TTC28: variants seen among roughly 807,000 people sequenced by gnomAD.
TTC28 encodes tetratricopeptide repeat domain 28.
Under a neutral mutation model 198.0 loss-of-function variants are expected in TTC28, and 61 were observed. That is an observed-to-expected ratio of 0.31 (90% CI 0.25 to 0.38). The LOEUF (loss-of-function observed/expected upper bound fraction) is 0.38. Ranked by LOEUF, TTC28 falls within the 10% of genes least tolerant of loss-of-function variation. The pLI, the probability that TTC28 is intolerant of heterozygous loss-of-function variation, is 1.00. For synonymous variants in TTC28, 1,171 were observed against 1,297.8 expected, an observed-to-expected ratio of 0.90 and a Z score of 2.10; for missense variants, 2,678 against 3,164.0, an observed-to-expected ratio of 0.85 and a Z score of 3.69.
In TTC28 at chr22:28,139,200, C is replaced by G. The variant is rs1943272620; in HGVS notation, c.1441+23892G>C. ...ATCCTGAGTCTCGAAAGGCCTAGTA[C>G]CAGGCCTTCAGAAGAAATTCACAGC... On this transcript the variant is annotated intron_variant, in intron 6 of 22. Transcript: ENST00000397906. 2.0e-5 allele frequency among the ~76,000 whole-genome samples: 3 copies of G among 152,090 alleles called. No homozygotes were observed. In the South Asian group the frequency reaches 6.2e-4, roughly 32 times the overall value.
intron 5 of TTC28, among the ~76,000 whole-genome samples, chr22:28,175,238 G>T (rs577300195): frequency 2.6e-5 from 4 of 152,168 alleles, no homozygotes; most frequent in African/African-American, 9.6e-5. Context: ...AAAAGCACAG[G>T]CAACAAAAGC....
At chr22:28,586,426 T>G (rs1348432705) in intron 2 of TTC28, among the ~76,000 whole-genome samples, 1 of 151,612 alleles carries the variant, frequency 6.6e-6, no homozygotes, top group Admixed American at 6.6e-5. Context: ...AGATTAAAGA[T>G]AGAGTGAGAG....
chr22:28,473,037 C>T (rs1477454712), intron 2 of TTC28, among the ~76,000 whole-genome samples: 1 of 152,072 alleles, frequency 6.6e-6, no homozygotes, highest in Non-Finnish European at 1.5e-5. Flanking sequence ...TCAGCTAAAA[C>T]ACTATTAATC....
rs1461202888 is a variant in TTC28 at position 28,392,040 on chromosome 22, T to G, written c.382-85397A>C. Among the ~76,000 whole-genome samples, 16 of 152,318 alleles carry G rather than the reference T, an allele frequency of 1.1e-4. No individual in the cohort carries two copies. The East Asian group carries it at 3.1e-3, about 29-fold the overall frequency. ...TTTTTGGTGTGGATGTCCTTTCTGT[T>G]TGTTAGTTTTCCTTCTAACAGACAG... On this transcript the variant is annotated intron_variant, in intron 2 of 22. Transcript: ENST00000397906.
intron 2 of TTC28, chr22:28,459,786 C>G (rs2047920202): frequency 2.0e-5 from 3 of 152,266 alleles, no homozygotes; most frequent in African/African-American, 7.2e-5. Flanking sequence ...AACACCTTGA[C>G]AGCTGACCTA....
Position 28,456,998 on chromosome 22 carries a change from A to G in TTC28, c.382-150355T>C, listed in dbSNP as rs191242586. On this transcript the variant is annotated intron_variant, in intron 2 of 22. Transcript: ENST00000397906. ...GAAAACAGTCTTAGTTGAATGGTTT[A>G]TTTTATTTATGGGCATGTACTGATG... Among the ~76,000 whole-genome samples the G allele has an allele frequency of 2.8e-4, 43 of 151,888 alleles. 2 individuals are homozygous for G. Among genetic ancestry groups the G allele is most frequent in the African/African-American group, 9.9e-4 (41 of 41,582 alleles).
At chr22:28,188,121 G>A (rs1370339974) in intron 5 of TTC28, among the ~76,000 whole-genome samples, 1 of 152,136 alleles carries the variant, frequency 6.6e-6, no homozygotes, top group African/African-American at 2.4e-5. Flanking sequence ...AAAAGTAAGT[G>A]CAAGAGACTT....
At chr22:28,418,444 GC>G (rs1358669053) in intron 2 of TTC28, among the ~76,000 whole-genome samples, 1 of 152,062 alleles carries the variant, frequency 6.6e-6, no homozygotes, top group Non-Finnish European at 1.5e-5. Flanking sequence ...TACAAAAAAC[GC>G]TTAAACTTAC....
intron 12 of TTC28, among the ~76,000 whole-genome samples, chr22:28,058,180 T>C (rs888596475): frequency 6.6e-6 from 1 of 152,130 alleles, no homozygotes; most frequent in African/African-American, 2.4e-5. Context: ...AGTAGTGTTG[T>C]GGCATGAGAG....
intron 2 of TTC28, among the ~76,000 whole-genome samples, chr22:28,399,869 A>C (rs1041688487): frequency 2.0e-5 from 3 of 152,174 alleles, no homozygotes; most frequent in African/African-American, 4.8e-5. Context: ...CCAGATATTC[A>C]TCTTCAACAG....
chr22:28,033,577 C>G (rs1939217803), intron 12 of TTC28, among the ~76,000 whole-genome samples: 1 of 152,166 alleles, frequency 6.6e-6, no homozygotes, highest in Non-Finnish European at 1.5e-5. Context: ...TTCTTACTAG[C>G]CAATCCCTTT....
chr22:28,098,798 T>G, intron 10 of TTC28, 117 bp downstream of exon 10: 1 of 1,311,054 alleles, frequency 7.6e-7, no homozygotes, highest in Middle Eastern at 2.7e-4. Flanking sequence ...CTTCACAGTC[T>G]GTTGTCACAA....
Position 28,547,202 on chromosome 22 carries a change from ATGTGTGTGTGTG to A in TTC28, c.381+82338_381+82349del, listed in dbSNP as rs1344422242. Among the ~76,000 whole-genome samples the A allele has an allele frequency of 4.0e-5, 6 of 149,658 alleles. No individual in the cohort carries two copies. The South Asian group carries it at 1.3e-3, about 31-fold the overall frequency. ...TTTTAAGATCTCTCTGCATGTGTGTATGTGTGTGTGTGAGTGTGTGTGTGTGTGTGTGTCTTA... is the reference window on the plus strand; with the variant it reads ...TTTTAAGATCTCTCTGCATGTGTGTAAGTGTGTGTGTGTGTGTGTGTCTTA... On this transcript the variant is annotated intron_variant, in intron 2 of 22. Transcript: ENST00000397906.
intron 12 of TTC28, among the ~76,000 whole-genome samples, chr22:28,075,404 T>C (rs753437259): frequency 3.3e-5 from 5 of 152,022 alleles, no homozygotes; most frequent in Non-Finnish European, 7.4e-5. Flanking sequence ...CTCAAGCAGA[T>C]ACAGCTGAGC....
chr22:28,543,501 GGAA>G (rs571884807), intron 2 of TTC28, among the ~76,000 whole-genome samples: 11 of 151,098 alleles, frequency 7.3e-5, no homozygotes, highest in East Asian at 1.9e-4. Flanking sequence ...AGGAAGAGGA[GGAA>G]GAAGAATAAA....
chr22:28,015,181 T>C (rs979842895), intron 13 of TTC28, among the ~76,000 whole-genome samples: 1 of 152,126 alleles, frequency 6.6e-6, no homozygotes, highest in African/African-American at 2.4e-5. Context: ...GTATAGTCTC[T>C]GGGAACCTAC....
rs879910239 is a variant in TTC28 at position 28,218,957 on chromosome 22, TA to T, written c.934-55359del. Among the ~76,000 whole-genome samples the T allele has an allele frequency of 6.9e-3, 878 of 127,722 alleles. 1 individual carries two copies. The highest frequency in any genetic ancestry group is 8.5e-3 in the Non-Finnish European group (503 of 58,984). 83.8% of individuals were successfully genotyped at this position (127,722 alleles called of 152,430 possible). On this transcript the variant is annotated intron_variant, in intron 5 of 22. Transcript: ENST00000397906. Reference sequence around the variant, plus strand: ...ACCGTCAGTGCAAACACCAACACAGTAAAAAAAAAAAAAAGACAAATAATAT... The same window carrying T: ...ACCGTCAGTGCAAACACCAACACAGTAAAAAAAAAAAAAGACAAATAATAT...
chr22:28,646,364 C>CTT (rs2051467069), intron 1 of TTC28, among the ~76,000 whole-genome samples: 1 of 152,146 alleles, frequency 6.6e-6, no homozygotes, highest in African/African-American at 2.4e-5. Flanking sequence ...TGAAAGATCT[C>CTT]TATAAGGAGA....
At chr22:28,066,888 G>A (rs1422478679) in intron 12 of TTC28, among the ~76,000 whole-genome samples, 1 of 152,072 alleles carries the variant, frequency 6.6e-6, no homozygotes, top group Non-Finnish European at 1.5e-5. Context: ...GTGTGGCACT[G>A]CACCCCCTAC....
Sources: gnomAD v4.1 joint callset for allele counts (sites outside exome capture counted in the v4.1 genomes callset) on GRCh38, gnomAD v4.1.1 for gene constraint, MANE v1.5 for transcripts, NCBI Gene and HGNC (gene_info 2026-07-23, HGNC 2026-07-21) for gene names.